The following DIAPH3 variants were observed in gnomAD, a reference collection of about 807,000 sequenced individuals.
DIAPH3 encodes protein diaphanous homolog 3.
In DIAPH3, 117 loss-of-function variants were observed where a neutral mutation model predicts 144.3. The ratio of observed to expected loss-of-function variants is 0.81; its 90% CI spans 0.70 to 0.95. DIAPH3 has a LOEUF of 0.95. Among genes scored for constraint, DIAPH3 ranks in the 40% least tolerant of loss-of-function variants. The pLI is 0.00. For synonymous variants in DIAPH3, 519 were observed against 488.9 expected (o/e 1.06, Z -0.81); for missense variants, 1,421 against 1,412.7 (o/e 1.01, Z -0.09).
At chr13:60,092,817 T>G (rs2057993619) in intron 4 of DIAPH3, among the ~76,000 whole-genome samples, 1 of 152,204 alleles carries the variant, frequency 6.6e-6, no homozygotes, top group Admixed American at 6.5e-5. Context: ...AGCAGTTAAG[T>G]GGAGTTAAAG....
At chr13:59,706,431 G>T (rs2034432424) in intron 27 of DIAPH3, among the ~76,000 whole-genome samples, 1 of 152,132 alleles carries the variant, frequency 6.6e-6, no homozygotes, top group African/African-American at 2.4e-5. Flanking sequence ...CAGTTGAGGA[G>T]TTACTAGGTC....
intron 27 of DIAPH3, among the ~76,000 whole-genome samples, chr13:59,735,195 A>C (rs1029356631): frequency 4.6e-5 from 7 of 152,322 alleles, no homozygotes; most frequent in African/African-American, 1.7e-4. Flanking sequence ...GTAGCACTGA[A>C]TATTAATTGC....
chr13:60,021,126 T>C (rs940776533), intron 5 of DIAPH3: 1 of 152,178 alleles, frequency 6.6e-6, no homozygotes, highest in African/African-American at 2.4e-5. Flanking sequence ...CACCAAAAGA[T>C]CTGCACATCT....
At chr13:59,852,371 A>G (rs752434794) in intron 22 of DIAPH3, among the ~76,000 whole-genome samples, 12 of 152,174 alleles carry the variant, frequency 7.9e-5, no homozygotes, top group Admixed American at 6.5e-5. Flanking sequence ...TTCCTTCATA[A>G]TTCTTGGCTG....
At chr13:60,035,873 A>C (rs137965617) in intron 5 of DIAPH3, among the ~76,000 whole-genome samples, 166 of 152,340 alleles carry the variant, frequency 1.1e-3, no homozygotes, top group African/African-American at 3.8e-3. Flanking sequence ...CATCCCGCTA[A>C]TATTTTTAAT....
intron 17 of DIAPH3, among the ~76,000 whole-genome samples, chr13:59,966,899 A>G (rs1031841599): frequency 3.9e-5 from 6 of 152,126 alleles, no homozygotes; most frequent in Admixed American, 3.9e-4. Flanking sequence ...AGTAATTACC[A>G]TCCTTCCCTA....
chr13:60,015,994 T>TA lies in DIAPH3; in HGVS notation c.702-13dup. 2 of 1,612,262 alleles carry TA rather than the reference T, an allele frequency of 1.2e-6. No homozygotes were observed. Among genetic ancestry groups the TA allele is most frequent in the Middle Eastern group, 1.7e-4 (1 of 6,052 alleles). ...CAACTTTTTCTTGGCTGTATTGACA[T>TA]AAAAAATAGCAGTGTTGGAATTATA... is the stretch of plus-strand genomic sequence containing the variant. On this transcript the variant is annotated splice_polypyrimidine_tract_variant and intron_variant, in intron 6 of 27. Transcript: ENST00000400324.
intron 24 of DIAPH3, among the ~76,000 whole-genome samples, chr13:59,822,747 A>T (rs2041142164): frequency 6.6e-6 from 1 of 151,984 alleles, no homozygotes. Context: ...AGCCATATGA[A>T]CCTAATTATG....
intron 27 of DIAPH3, among the ~76,000 whole-genome samples, chr13:59,734,868 T>C (rs557260388): frequency 2.8e-4 from 42 of 152,210 alleles, no homozygotes; most frequent in Non-Finnish European, 4.8e-4. Flanking sequence ...ACATTACCTG[T>C]AAGTAATCCC....
intron 3 of DIAPH3, among the ~76,000 whole-genome samples, chr13:60,097,006 CCT>C: frequency 6.6e-6 from 1 of 152,120 alleles, no homozygotes; most frequent in Non-Finnish European, 1.5e-5. Flanking sequence ...AGGCAGGCAT[CCT>C]ATTGGTTCTG....
intron 20 of DIAPH3, among the ~76,000 whole-genome samples, chr13:59,892,355 A>C (rs1043642218): frequency 5.3e-5 from 8 of 151,988 alleles, no homozygotes; most frequent in African/African-American, 1.9e-4. Context: ...AAAGAAACAG[A>C]GACTACATTA....
intron 25 of DIAPH3, among the ~76,000 whole-genome samples, chr13:59,775,228 A>T (rs1166975037): frequency 2.0e-5 from 3 of 151,742 alleles, no homozygotes; most frequent in Non-Finnish European, 4.4e-5. Context: ...TATGGGAGAG[A>T]GTAGTTTTTG....
intron 9 of DIAPH3, among the ~76,000 whole-genome samples, chr13:60,005,426 G>C (rs1344478067): frequency 6.6e-6 from 1 of 152,118 alleles, no homozygotes; most frequent in East Asian, 1.9e-4. Flanking sequence ...TTCTAAAATT[G>C]ACTGTGGTAA....
chr13:60,079,819 C>CT (rs1324548262), intron 4 of DIAPH3, among the ~76,000 whole-genome samples: 1 of 151,890 alleles, frequency 6.6e-6, no homozygotes, highest in African/African-American at 2.4e-5. Flanking sequence ...TTTTATTCAA[C>CT]TTTTTATTAC....
chr13:60,038,330 C>A (rs756866967), intron 5 of DIAPH3, among the ~76,000 whole-genome samples: 10 of 152,080 alleles, frequency 6.6e-5, no homozygotes, highest in Non-Finnish European at 1.0e-4. Context: ...AATTTCTGAT[C>A]TTGAAAGACT....
At chr13:59,745,075 C>T (rs2139074858) in intron 27 of DIAPH3, among the ~76,000 whole-genome samples, 1 of 152,238 alleles carries the variant, frequency 6.6e-6, no homozygotes, top group South Asian at 2.1e-4. Flanking sequence ...TTCATGAGAA[C>T]AACTTTAGCC....
Position 59,811,596 on chromosome 13 carries a change from G to A in DIAPH3, c.3028-673C>T, listed in dbSNP as rs190012923. On this transcript the variant is annotated intron_variant, in intron 24 of 27. Transcript: ENST00000400324. Reference sequence around the variant, plus strand: ...TACTAAAAATACAAAAATTAGCTGGGTGTGGTGGCGGGTGCCTGTAATCCC... The same window carrying A: ...TACTAAAAATACAAAAATTAGCTGGATGTGGTGGCGGGTGCCTGTAATCCC... Among the ~76,000 whole-genome samples, 235 of 152,030 alleles carry A rather than the reference G, an allele frequency of 1.5e-3. 1 individual carries two copies. The highest frequency in any genetic ancestry group is 4.4e-3 in the South Asian group (21 of 4,802).
At chr13:59,787,144 T>C (rs2039074642) in intron 25 of DIAPH3, among the ~76,000 whole-genome samples, 1 of 152,148 alleles carries the variant, frequency 6.6e-6, no homozygotes, top group East Asian at 1.9e-4. Context: ...CACTTGGTGA[T>C]TCATATCAAA....
At chr13:59,797,166 C>T (rs575855421) in intron 25 of DIAPH3, among the ~76,000 whole-genome samples, 2 of 152,266 alleles carry the variant, frequency 1.3e-5, no homozygotes, top group East Asian at 3.9e-4. Flanking sequence ...CTCCTTCCCA[C>T]ACTTTCTATC....
Sources: gnomAD v4.1 joint callset for allele counts (sites outside exome capture counted in the v4.1 genomes callset) on GRCh38, gnomAD v4.1.1 for gene constraint, MANE v1.5 for transcripts, NCBI Gene and HGNC (gene_info 2026-07-23, HGNC 2026-07-21) for gene names.